DLGAP2: variants seen among roughly 807,000 people sequenced by gnomAD.
DLGAP2 encodes disks large-associated protein 2.
A neutral mutation model predicts 100.3 loss-of-function variants in DLGAP2; 26 were observed. The observed-to-expected ratio is 0.26, with a 90% CI of 0.19 to 0.36. The LOEUF is 0.36. Among genes scored for constraint, DLGAP2 ranks in the 10% least tolerant of loss-of-function variants. The pLI, the probability that DLGAP2 is intolerant of heterozygous loss-of-function variation, is 1.00. For missense variants in DLGAP2, 1,858 were observed against 1,453.2 expected (o/e 1.28, Z -4.53); for synonymous variants, 886 against 630.1 (o/e 1.41, Z -6.08).
intron 2 of DLGAP2, among the ~76,000 whole-genome samples, chr8:1,257,101 G>T (rs931109439): frequency 6.6e-6 from 1 of 151,948 alleles, no homozygotes; most frequent in African/African-American, 2.4e-5. Context: ...TGTCCACCCC[G>T]AGGCGTGTGG....
intron 4 of DLGAP2, among the ~76,000 whole-genome samples, chr8:1,503,580 G>A (rs1321267211): frequency 6.6e-6 from 1 of 152,228 alleles, no homozygotes; most frequent in East Asian, 1.9e-4. Flanking sequence ...TGAACACGGA[G>A]TGCAGCTCTC....
intron 1 of DLGAP2, among the ~76,000 whole-genome samples, chr8:880,423 C>T (rs183817945): frequency 9.6e-4 from 146 of 152,308 alleles, no homozygotes; most frequent in Admixed American, 2.5e-3. Flanking sequence ...GGCTCCTGTG[C>T]GGGGTGACCG....
chr8:993,787 C>A lies in DLGAP2; in HGVS notation c.73+85821C>A, dbSNP rs1226771920. Among the ~76,000 whole-genome samples the A allele has an allele frequency of 6.2e-5, 4 of 64,160 alleles. No individual in the cohort carries two copies. The Admixed American group carries it at 8.2e-4, about 13-fold the overall frequency. 42.1% of individuals were successfully genotyped at this position (64,160 alleles called of 152,430 possible). On this transcript the variant is annotated intron_variant, in intron 2 of 14. Transcript: ENST00000637795. ...GACACCATGCAAGCAAACTGATTGG[C>A]TTTTTTTTTTTTTTTTTTTTTTTTG...
intron 3 of DLGAP2, among the ~76,000 whole-genome samples, chr8:1,269,144 G>C (rs1260034998): frequency 1.3e-5 from 2 of 152,100 alleles, no homozygotes; most frequent in Non-Finnish European, 2.9e-5. Flanking sequence ...GGGCCCGTCT[G>C]CCACCTCTTC....
chr8:1,360,279 TGGGGCGGGGCTTCTCC>T (rs535670178), intron 3 of DLGAP2, among the ~76,000 whole-genome samples: 191 of 68,750 alleles, frequency 2.8e-3, no homozygotes, highest in Admixed American at 7.2e-3. Flanking sequence ...GGGGCTTCTC[TGGGGCGGGGCTTCTCC>T]GGGGCGGGGC....
intron 2 of DLGAP2, among the ~76,000 whole-genome samples, chr8:1,180,438 C>G (rs1227926694): frequency 6.6e-6 from 1 of 152,230 alleles, no homozygotes; most frequent in African/African-American, 2.4e-5. Flanking sequence ...CTCAAGCAGT[C>G]CTCTGCTTCA....
At chr8:975,047 A>G (rs1800127894) in intron 2 of DLGAP2, among the ~76,000 whole-genome samples, 1 of 152,222 alleles carries the variant, frequency 6.6e-6, no homozygotes, top group Non-Finnish European at 1.5e-5. Context: ...GAAATCAGAA[A>G]TGAAAGAAGG....
chr8:1,285,893 G>C (rs1049256887), intron 3 of DLGAP2, among the ~76,000 whole-genome samples: 9 of 152,188 alleles, frequency 5.9e-5, no homozygotes, highest in Non-Finnish European at 2.9e-5. Context: ...AGAAGGTTGA[G>C]GCTGCACTGA....
At chr8:1,423,145 A>T (rs62484241) in intron 3 of DLGAP2, among the ~76,000 whole-genome samples, 12,615 of 152,318 alleles carry the variant, frequency 0.083, 884 homozygotes, top group East Asian at 0.35. Context: ...AATGAACCAC[A>T]ACAGCTAAAG....
chr8:857,488 T>A (rs1797301778), intron 1 of DLGAP2, among the ~76,000 whole-genome samples: 1 of 152,078 alleles, frequency 6.6e-6, no homozygotes, highest in Admixed American at 6.5e-5. Context: ...ATTTCAATGG[T>A]GAGAAAACAA....
intron 2 of DLGAP2, among the ~76,000 whole-genome samples, chr8:939,076 C>T (rs1270577835): frequency 6.6e-6 from 1 of 151,622 alleles, no homozygotes; most frequent in African/African-American, 2.4e-5. Flanking sequence ...GAGGTGCAGA[C>T]ACAGGGGCTG....
At chr8:1,545,161 G>A (rs1801491968) in intron 4 of DLGAP2, among the ~76,000 whole-genome samples, 1 of 152,158 alleles carries the variant, frequency 6.6e-6, no homozygotes, top group Non-Finnish European at 1.5e-5. Flanking sequence ...GGGCTTGGAA[G>A]CATTCCTGCC....
chr8:1,271,779 C>T (rs1799588587), intron 3 of DLGAP2, among the ~76,000 whole-genome samples: 1 of 152,184 alleles, frequency 6.6e-6, no homozygotes, highest in East Asian at 1.9e-4. Flanking sequence ...TTCTGGAGAT[C>T]CAATTAGAAT....
rs73527736 is a variant in DLGAP2, at chr8:1,224,752, C to G, written c.74-34099C>G. ...CTGTTAAAATTCAACAACACAAAAG[C>G]CTAATTTTAAAATGAGCAAGGGGAC... On this transcript the variant is annotated intron_variant, in intron 2 of 14. Transcript: ENST00000637795. Among the ~76,000 whole-genome samples the G allele has an allele frequency of 8.4e-3, 1,277 of 152,234 alleles. 16 individuals carry two copies. The highest frequency in any genetic ancestry group is 0.029 in the African/African-American group (1,217 of 41,542).
intron 6 of DLGAP2, among the ~76,000 whole-genome samples, chr8:1,617,624 A>T (rs747672706): frequency 2.4e-4 from 37 of 152,086 alleles, no homozygotes; most frequent in Non-Finnish European, 4.6e-4. Flanking sequence ...CCTTTGTTGG[A>T]TGCATAGTTT....
chr8:1,290,556 C>T (rs1039454774), intron 3 of DLGAP2, among the ~76,000 whole-genome samples: 2 of 152,136 alleles, frequency 1.3e-5, no homozygotes, highest in African/African-American at 2.4e-5. Flanking sequence ...ACAAGTCACC[C>T]GCAGAGACCT....
intron 2 of DLGAP2, among the ~76,000 whole-genome samples, chr8:1,246,281 G>A (rs936930243): frequency 6.6e-6 from 1 of 152,156 alleles, no homozygotes; most frequent in African/African-American, 2.4e-5. Context: ...CAGTCAGTCT[G>A]GACATATATA....
chr8:1,365,629 T>C (rs1585303574), intron 3 of DLGAP2, among the ~76,000 whole-genome samples: 1 of 152,304 alleles, frequency 6.6e-6, no homozygotes, highest in East Asian at 1.9e-4. Context: ...TTAATGGCAT[T>C]GACCTGTCTC....
At chr8:1,272,621 G>T (rs1298479734) in intron 3 of DLGAP2, among the ~76,000 whole-genome samples, 1 of 152,146 alleles carries the variant, frequency 6.6e-6, no homozygotes, top group African/African-American at 2.4e-5. Flanking sequence ...TTCAGCTGTG[G>T]AAGGGAATAA....
Sources: allele counts gnomAD v4.1 joint callset (sites outside exome capture counted in the v4.1 genomes callset), GRCh38; gene constraint gnomAD v4.1.1; transcripts MANE v1.5; gene names NCBI Gene and HGNC (gene_info 2026-07-23, HGNC 2026-07-21).